Variants in ROCK1 observed in about 807,000 individuals in gnomAD.
The protein encoded by ROCK1 is Rho associated coiled-coil containing protein kinase 1.
ROCK1 carries 36 observed loss-of-function variants against 196.8 expected under a neutral mutation model. That is an observed-to-expected ratio of 0.18 (90% CI 0.14 to 0.24). ROCK1 has a LOEUF of 0.24. ROCK1 is among the 10% of genes least tolerant of loss of function. ROCK1 has a pLI of 1.00. For synonymous variants in ROCK1, 443 were observed against 515.9 expected (o/e 0.86, Z 1.91); for missense variants, 920 against 1,562.0 (o/e 0.59, Z 6.93).
rs1254812848 is a variant in ROCK1, at chr18:20,950,311, A to G, written c.*1073T>C. 1.3e-5 allele frequency: 2 copies of G among 152,520 alleles called. No homozygotes were observed. The highest frequency in any genetic ancestry group is 2.4e-5 in the African/African-American group (1 of 41,458). 9.4% of individuals were successfully genotyped at this position (152,520 alleles called of 1,614,324 possible). On this transcript the variant is annotated 3_prime_UTR_variant, in exon 33 of 33. Coordinates refer to ENST00000399799, the MANE Select transcript of ROCK1 (RefSeq NM_005406.3). ...ATGCAAAGATTGTACTCAATTTATGAAAGTCCAACAAACCTCTAAATATTT... is the reference window on the plus strand; with the variant it reads ...ATGCAAAGATTGTACTCAATTTATGGAAGTCCAACAAACCTCTAAATATTT...
chr18:21,072,448 C>T (rs1336981503), intron 1 of ROCK1, among the ~76,000 whole-genome samples: 1 of 152,146 alleles, frequency 6.6e-6, no homozygotes. Context: ...ATGCAGGCTT[C>T]CATTTTAATG....
chr18:21,035,637 C>A (rs1419026119), intron 9 of ROCK1, among the ~76,000 whole-genome samples: 1 of 152,072 alleles, frequency 6.6e-6, no homozygotes, highest in African/African-American at 2.4e-5. Flanking sequence ...ATATGGAAAG[C>A]AGATATTTGT....
chr18:20,999,186 A>C (rs1350061996), intron 16 of ROCK1, among the ~76,000 whole-genome samples: 2 of 152,244 alleles, frequency 1.3e-5, no homozygotes, highest in Non-Finnish European at 2.9e-5. Context: ...ATTTGCTGAA[A>C]TATCATTGTT....
At chr18:21,031,482 G>A (rs1055803612) in intron 9 of ROCK1, among the ~76,000 whole-genome samples, 1 of 151,618 alleles carries the variant, frequency 6.6e-6, no homozygotes, top group African/African-American at 2.4e-5. Context: ...GCGGGCACCT[G>A]TAGTCCCAGC....
intron 1 of ROCK1, among the ~76,000 whole-genome samples, chr18:21,102,392 C>T (rs1419090534): frequency 6.6e-6 from 1 of 152,208 alleles, no homozygotes; most frequent in Non-Finnish European, 1.5e-5. Flanking sequence ...GTGTGATAGA[C>T]ATTTAATTAA....
chr18:21,064,879 C>T (rs1015860386), intron 2 of ROCK1, among the ~76,000 whole-genome samples: 1 of 152,180 alleles, frequency 6.6e-6, no homozygotes, highest in Non-Finnish European at 1.5e-5. Flanking sequence ...TGTCTAACTG[C>T]GCCCACTATT....
chr18:21,046,522 T>C (rs1195382351), intron 4 of ROCK1, among the ~76,000 whole-genome samples: 3 of 152,108 alleles, frequency 2.0e-5, no homozygotes, highest in African/African-American at 7.2e-5. Flanking sequence ...ATGACAGCAG[T>C]CAGGAGGAGG....
chr18:21,017,142 C>T (rs1435678655), intron 12 of ROCK1, among the ~76,000 whole-genome samples: 1 of 151,244 alleles, frequency 6.6e-6, no homozygotes, highest in Admixed American at 6.6e-5. Flanking sequence ...TCCTGATATT[C>T]CTGTATAATT....
chr18:21,011,514 G>GGTAT (rs1406030788), intron 13 of ROCK1, among the ~76,000 whole-genome samples: 1 of 152,146 alleles, frequency 6.6e-6, no homozygotes, highest in African/African-American at 2.4e-5. Flanking sequence ...GGAGTACAGT[G>GGTAT]GTATGCTTAT....
chr18:21,073,687 C>T (rs145408960), intron 1 of ROCK1, among the ~76,000 whole-genome samples: 1 of 152,238 alleles, frequency 6.6e-6, no homozygotes, highest in Non-Finnish European at 1.5e-5. Context: ...AACACCACCC[C>T]ACCCTCAAAA....
intron 13 of ROCK1, among the ~76,000 whole-genome samples, chr18:21,014,948 T>C (rs183392759): frequency 3.6e-4 from 55 of 152,348 alleles, no homozygotes; most frequent in Non-Finnish European, 6.5e-4. Flanking sequence ...ATGCTTGTTA[T>C]TGTTTCTCTG....
chr18:20,959,107 A>ATAATATATAATAT (rs2035293364), intron 29 of ROCK1, among the ~76,000 whole-genome samples: 1 of 50,588 alleles, frequency 2.0e-5, no homozygotes, highest in African/African-American at 1.4e-4. Flanking sequence ...TATATATTAT[A>ATAATATATAATAT]TATATATTAT....
chr18:21,084,952 G>C (rs1305155607), intron 1 of ROCK1, among the ~76,000 whole-genome samples: 2 of 152,100 alleles, frequency 1.3e-5, no homozygotes, highest in Non-Finnish European at 2.9e-5. Context: ...CTACAACATA[G>C]ATAAAATCTG....
chr18:20,962,829 C>A (rs1490501695), intron 27 of ROCK1, among the ~76,000 whole-genome samples: 2 of 152,046 alleles, frequency 1.3e-5, no homozygotes, highest in African/African-American at 4.8e-5. Context: ...CTGGTGAATT[C>A]CCTCAGAGAA....
chr18:21,094,349 A>G (rs72879442), intron 1 of ROCK1, among the ~76,000 whole-genome samples: 4,538 of 152,304 alleles, frequency 0.03, 99 homozygotes, highest in Non-Finnish European at 0.047. Flanking sequence ...GAATGGGAGA[A>G]AATATGTGCA....
intron 1 of ROCK1, among the ~76,000 whole-genome samples, chr18:21,095,667 T>C (rs2036606894): frequency 1.3e-5 from 2 of 149,042 alleles, no homozygotes; most frequent in South Asian, 2.1e-4. Flanking sequence ...ATTCAACTCA[T>C]GGAGACAGAG....
intron 22 of ROCK1, among the ~76,000 whole-genome samples, chr18:20,975,801 C>T (rs2143375601): frequency 6.6e-6 from 1 of 152,178 alleles, no homozygotes; most frequent in East Asian, 1.9e-4. Context: ...TCAGTAGAGA[C>T]GGGGTTTCAC....
At chr18:20,952,390 T>C (rs2035197700) in intron 32 of ROCK1, among the ~76,000 whole-genome samples, 1 of 144,378 alleles carries the variant, frequency 6.9e-6, no homozygotes, top group African/African-American at 2.6e-5. Flanking sequence ...TCAAAATGAA[T>C]GAATGAATGA....
chr18:21,004,212 A>G (rs2035749948), intron 16 of ROCK1, among the ~76,000 whole-genome samples: 1 of 152,208 alleles, frequency 6.6e-6, no homozygotes, highest in South Asian at 2.1e-4. Context: ...TTAAAAGGTT[A>G]TAAAAAGTAA....
Sources: gnomAD v4.1 joint callset for allele counts (sites outside exome capture counted in the v4.1 genomes callset) on GRCh38, gnomAD v4.1.1 for gene constraint, MANE v1.5 for transcripts, NCBI Gene and HGNC (gene_info 2026-07-23, HGNC 2026-07-21) for gene names.